The following TUBB3 variants were observed in gnomAD, a reference collection of about 807,000 sequenced individuals.
TUBB3 encodes the protein tubulin beta-3 chain.
A neutral mutation model predicts 37.8 loss-of-function variants in TUBB3; 17 were observed. The ratio of observed to expected loss-of-function variants is 0.45; its 90% CI spans 0.31 to 0.67. TUBB3 has a LOEUF of 0.67. Ranked by LOEUF, TUBB3 falls within the 30% of genes least tolerant of loss-of-function variation. The pLI is 0.07. For synonymous variants in TUBB3, 332 were observed against 278.9 expected, an observed-to-expected ratio of 1.19 and a Z score of -1.90; for missense variants, 262 against 657.9, an observed-to-expected ratio of 0.40 and a Z score of 6.58.
At chr16:89,926,046 G>T (rs899521843) in intron 1 of TUBB3, among the ~76,000 whole-genome samples, 1 of 151,992 alleles carries the variant, frequency 6.6e-6, no homozygotes, top group African/African-American at 2.4e-5. Context: ...GTCACCCCGG[G>T]GGGGGCAGGG....
intron 1 of TUBB3, among the ~76,000 whole-genome samples, chr16:89,929,126 C>G (rs533913809): frequency 6.6e-6 from 1 of 152,160 alleles, no homozygotes; most frequent in South Asian, 2.1e-4. Context: ...CCACGCCCGG[C>G]TAATTTTTGT....
chr16:89,934,724 T>C lies in TUBB3; in HGVS notation c.278-5T>C, dbSNP rs368806076. The C allele has an allele frequency of 6.2e-7, 1 of 1,613,844 alleles. No homozygotes were observed. The highest frequency in any genetic ancestry group is 8.5e-7 in the Non-Finnish European group (1 of 1,179,926). The stretch of plus-strand genomic sequence containing the variant: ...CTGTCTCTTACCCCTCTTCTCCCTG[T>C]ACAGGTCAGAGTGGGGCCGGCAACA... On this transcript the variant is annotated splice_polypyrimidine_tract_variant and splice_region_variant and intron_variant, in intron 3 of 3. Transcript: ENST00000315491.
rs574561880 is a variant in TUBB3, at chr16:89,928,895, C to T, written c.58-3676C>T. Among the ~76,000 whole-genome samples the T allele has an allele frequency of 2.6e-5, 4 of 151,820 alleles. No individual in the cohort carries two copies. In the South Asian group the frequency reaches 6.2e-4, roughly 24 times the overall value. The stretch of plus-strand genomic sequence containing the variant: ...GTCAGGCTGGTCTCGAACTACTGAC[C>T]TCGTGATCCACCCGCCTTGGCCTCC... On this transcript the variant is annotated intron_variant, in intron 1 of 3. Transcript: ENST00000315491.
intron 2 of TUBB3, 32 bp from the exon 3 acceptor site, chr16:89,933,436 A>G: frequency 6.5e-7 from 1 of 1,547,308 alleles, no homozygotes; most frequent in Non-Finnish European, 8.9e-7. Flanking sequence ...GCCCTCTGTG[A>G]CCCGAATCAC....
intron 1 of TUBB3, chr16:89,931,793 CTCGGCAGCTG>C (rs1021393705): frequency 2.3e-5 from 8 of 347,098 alleles, no homozygotes; most frequent in African/African-American, 1.5e-4. Context: ...CTAGGCTCCG[CTCGGCAGCTG>C]TCATGGGAGC....
At chr16:89,933,789 T>G (rs1483625306) in intron 3 of TUBB3, 3 of 703,644 alleles carry the variant, frequency 4.3e-6, no homozygotes, top group Non-Finnish European at 7.8e-6. Flanking sequence ...GCATTTCAAG[T>G]GGAATGAAGT....
intron 1 of TUBB3, among the ~76,000 whole-genome samples, chr16:89,931,101 A>G (rs2030264117): frequency 6.6e-6 from 1 of 152,170 alleles, no homozygotes. Context: ...TGTTGGGATT[A>G]CAGGCATGAG....
chr16:89,930,831 CTT>C (rs779118425), intron 1 of TUBB3, among the ~76,000 whole-genome samples: 11 of 140,962 alleles, frequency 7.8e-5, no homozygotes, highest in Admixed American at 1.4e-4. Context: ...CGAGAGGCAT[CTT>C]TTTTTTTTTT....
chr16:89,936,046 G>C lies in TUBB3; in HGVS notation c.*242G>C. 1 of 598,866 alleles carries C rather than the reference G, an allele frequency of 1.7e-6. No individual in the cohort carries two copies. The highest frequency in any genetic ancestry group is 4.5e-4 in the Middle Eastern group (1 of 2,238). 37.1% of individuals were successfully genotyped at this position (598,866 alleles called of 1,614,324 possible). A position where few individuals can be genotyped will look rare whatever the true frequency, so the allele number is the denominator to read the frequency against. The stretch of plus-strand genomic sequence containing the variant: ...TTACGGTTTTGTTTTTTACTGGTTT[G>C]TGTTTATATTTTCGGGGATACTTAA... On this transcript the variant is annotated 3_prime_UTR_variant, in exon 4 of 4. Coordinates refer to ENST00000315491, the MANE Select transcript of TUBB3 (RefSeq NM_006086.4).
At chr16:89,923,302 G>A (rs1347615884), upstream of TUBB3, 11 of 1,029,960 alleles carry the variant, frequency 1.1e-5, no homozygotes, top group African/African-American at 1.7e-5. Flanking sequence ...GCGAAGGGCG[G>A]GGCCGCGGCT....
chr16:89,933,188 A>T (rs778486056), intron 2 of TUBB3: 9 of 663,278 alleles, frequency 1.4e-5, no homozygotes, highest in South Asian at 1.4e-4. Flanking sequence ...TTGGCCTCCC[A>T]AAGTGTTGGG....
At chr16:89,930,112 C>T (rs1332718514) in intron 1 of TUBB3, among the ~76,000 whole-genome samples, 1 of 150,524 alleles carries the variant, frequency 6.6e-6, no homozygotes, top group Non-Finnish European at 1.5e-5. Flanking sequence ...TTCCTTCCTT[C>T]CTTCCTTTCT....
chr16:89,932,974 G>A (rs1234763719), intron 2 of TUBB3: 1 of 521,532 alleles, frequency 1.9e-6, no homozygotes, highest in South Asian at 2.0e-5. Flanking sequence ...GAGGCCATAA[G>A]AGGGCCTAGA....
At chr16:89,929,924 C>T (rs1354115903) in intron 1 of TUBB3, among the ~76,000 whole-genome samples, 1 of 151,708 alleles carries the variant, frequency 6.6e-6, no homozygotes, top group African/African-American at 2.4e-5. Context: ...TGGTCTTGAA[C>T]TCCTGACCTC....
At chr16:89,922,589 T>C (rs1378117396), upstream of TUBB3, 2 of 151,894 alleles carry the variant, frequency 1.3e-5, no homozygotes, top group African/African-American at 4.8e-5. Context: ...GGCTTGTGCG[T>C]CCTTGTGACA....
chr16:89,931,829 C>T (rs1597422720), intron 1 of TUBB3: 1 of 412,078 alleles, frequency 2.4e-6, no homozygotes, highest in Non-Finnish European at 5.0e-6. Context: ...CCGAGAAGCA[C>T]TGCAGGCACC....
At chr16:89,927,954 C>A (rs750805845) in intron 1 of TUBB3, among the ~76,000 whole-genome samples, 1 of 152,194 alleles carries the variant, frequency 6.6e-6, no homozygotes, top group Admixed American at 6.5e-5. Context: ...GCAAGGTCCC[C>A]GACTCAAGTG....
At chr16:89,922,832 T>G (rs895538926), upstream of TUBB3, among the ~76,000 whole-genome samples, 1 of 152,104 alleles carries the variant, frequency 6.6e-6, no homozygotes, top group Admixed American at 6.5e-5. Flanking sequence ...TTCTTCTCAG[T>G]GGGTTCAGGG....
chr16:89,926,309 C>CCCTGG (rs2030081029), intron 1 of TUBB3, among the ~76,000 whole-genome samples: 1 of 152,182 alleles, frequency 6.6e-6, no homozygotes, highest in Non-Finnish European at 1.5e-5. Flanking sequence ...GAGGCGGAGT[C>CCCTGG]CCTGGCTCGC....
Sources: gnomAD v4.1 joint callset for allele counts (sites outside exome capture counted in the v4.1 genomes callset) on GRCh38, gnomAD v4.1.1 for gene constraint, MANE v1.5 for transcripts, NCBI Gene and HGNC (gene_info 2026-07-23, HGNC 2026-07-21) for gene names.